The following RBFOX1 variants were observed in gnomAD, a reference collection of about 807,000 sequenced individuals.
RBFOX1 encodes the protein RNA binding protein fox-1 homolog 1.
A neutral mutation model predicts 57.7 loss-of-function variants in RBFOX1; 8 were observed. The ratio of observed to expected loss-of-function variants is 0.14; its 90% CI spans 0.08 to 0.25. The LOEUF is 0.25. Among genes scored for constraint, RBFOX1 ranks in the 10% least tolerant of loss-of-function variants. The pLI is 1.00. For missense variants in RBFOX1, 611 were observed against 548.5 expected (o/e 1.11, Z -1.14); for synonymous variants, 326 against 222.4 (o/e 1.47, Z -4.15).
At chr16:7,398,004 C>T (rs1295264683) in intron 4 of RBFOX1, among the ~76,000 whole-genome samples, 4 of 151,944 alleles carry the variant, frequency 2.6e-5, no homozygotes, top group Non-Finnish European at 4.4e-5. Flanking sequence ...TCTTCCCTTA[C>T]GGCCGTTAGT....
intron 3 of RBFOX1, among the ~76,000 whole-genome samples, chr16:6,859,130 C>CGTATATATATACGTATATATATACTT (rs1238966168): frequency 1.2e-5 from 1 of 82,482 alleles, no homozygotes; most frequent in African/African-American, 6.8e-5. Context: ...TATATATATA[C>CGTATATATATACGTATATATATACTT]ATATATATAC....
intron 2 of RBFOX1, among the ~76,000 whole-genome samples, chr16:6,478,094 G>C (rs2095302377): frequency 6.6e-6 from 1 of 152,000 alleles, no homozygotes; most frequent in Non-Finnish European, 1.5e-5. Flanking sequence ...CTCCACACCA[G>C]CAACAAGGCT....
At chr16:6,043,120 G>GAAACAA (rs2095457026) in intron 1 of RBFOX1, among the ~76,000 whole-genome samples, 1 of 70,254 alleles carries the variant, frequency 1.4e-5, no homozygotes, top group Non-Finnish European at 2.6e-5. Flanking sequence ...TGTGTTTCCA[G>GAAACAA]AAAAAAAAAA....
intron 5 of RBFOX1, among the ~76,000 whole-genome samples, chr16:7,524,417 T>C (rs2078214797): frequency 6.6e-6 from 1 of 152,138 alleles, no homozygotes; most frequent in African/African-American, 2.4e-5. Context: ...TCCAAACATA[T>C]CACGGATCAC....
At chr16:6,545,559 C>G (rs182490038) in intron 2 of RBFOX1, among the ~76,000 whole-genome samples, 2 of 152,192 alleles carry the variant, frequency 1.3e-5, no homozygotes, top group South Asian at 4.1e-4. Flanking sequence ...TCGGTTTAGA[C>G]TCTGCAGAAA....
intron 4 of RBFOX1, among the ~76,000 whole-genome samples, chr16:7,470,148 G>A (rs1343443977): frequency 6.6e-6 from 1 of 151,968 alleles, no homozygotes; most frequent in Non-Finnish European, 1.5e-5. Flanking sequence ...ATGTTGCTCA[G>A]AAAGCCTTTC....
At chr16:6,388,422 A>C (rs2092418566) in intron 2 of RBFOX1, among the ~76,000 whole-genome samples, 1 of 152,186 alleles carries the variant, frequency 6.6e-6, no homozygotes, top group South Asian at 2.1e-4. Flanking sequence ...CCAAGGTTCA[A>C]TGGCACCATT....
At chr16:6,128,743 C>G (rs755323992) in intron 1 of RBFOX1, among the ~76,000 whole-genome samples, 1 of 152,194 alleles carries the variant, frequency 6.6e-6, no homozygotes, top group African/African-American at 2.4e-5. Context: ...CACCGGAGAT[C>G]AGAGATCAGT....
intron 3 of RBFOX1, among the ~76,000 whole-genome samples, chr16:7,017,119 C>T (rs776760099): frequency 2.0e-5 from 3 of 152,028 alleles, no homozygotes; most frequent in Admixed American, 2.0e-4. Flanking sequence ...CAACCCTGTT[C>T]TCTCTAAATA....
intron 4 of RBFOX1, among the ~76,000 whole-genome samples, chr16:5,952,023 A>G (rs1455419870): frequency 6.6e-6 from 1 of 151,422 alleles, no homozygotes; most frequent in Non-Finnish European, 1.5e-5. Context: ...ATATGCACAC[A>G]CACACATATA....
At chr16:6,986,510 T>C (rs986800764) in intron 3 of RBFOX1, among the ~76,000 whole-genome samples, 3 of 152,174 alleles carry the variant, frequency 2.0e-5, no homozygotes, top group Non-Finnish European at 4.4e-5. Context: ...CAGGCTGGTT[T>C]TGAACTCATG....
intron 1 of RBFOX1, among the ~76,000 whole-genome samples, chr16:5,354,936 T>C (rs185227173): frequency 1.1e-3 from 167 of 151,594 alleles, no homozygotes; most frequent in African/African-American, 3.8e-3. Context: ...CGCCTGAGGG[T>C]GGTTAAGGGT....
intron 4 of RBFOX1, among the ~76,000 whole-genome samples, chr16:5,909,994 A>C (rs758654384): frequency 6.6e-6 from 1 of 152,140 alleles, no homozygotes; most frequent in Non-Finnish European, 1.5e-5. Flanking sequence ...CGGAGGTTGC[A>C]GTGAGCCAAG....
chr16:6,280,375 C>G (rs2076248772), intron 1 of RBFOX1, among the ~76,000 whole-genome samples: 1 of 152,106 alleles, frequency 6.6e-6, no homozygotes, highest in East Asian at 1.9e-4. Context: ...TCATATCTAT[C>G]AGCTCACCCA....
chr16:7,313,475 C>G (rs1401308301), intron 4 of RBFOX1, among the ~76,000 whole-genome samples: 1 of 144,278 alleles, frequency 6.9e-6, no homozygotes, highest in Non-Finnish European at 1.5e-5. Context: ...CTTTTCTTGT[C>G]TTTTTTTTTT....
intron 1 of RBFOX1, among the ~76,000 whole-genome samples, chr16:6,312,166 A>G (rs2080400160): frequency 6.6e-6 from 1 of 152,044 alleles, no homozygotes; most frequent in East Asian, 1.9e-4. Context: ...ATCCATTCAA[A>G]CTCACTCAAT....
intron 1 of RBFOX1, among the ~76,000 whole-genome samples, chr16:5,415,887 G>C (rs116533853): frequency 6.6e-6 from 1 of 152,178 alleles, no homozygotes; most frequent in African/African-American, 2.4e-5. Context: ...CCAGGGCAAA[G>C]GGAAGCATAG....
chr16:6,988,473 G>C lies in RBFOX1; in HGVS notation c.-15-63584G>C, dbSNP rs1472432314. Among the ~76,000 whole-genome samples, 4 of 152,122 alleles carry C rather than the reference G, an allele frequency of 2.6e-5. No homozygotes were observed. The East Asian group carries it at 7.7e-4, about 29-fold the overall frequency. On this transcript the variant is annotated intron_variant, in intron 3 of 15. Transcript: ENST00000550418. ...AGAGTTTTTAAAAAGTCGATTGCCT[G>C]TTGTGATAACATATTGGGCTAAATA...
At chr16:6,975,406 C>G (rs948540850) in intron 3 of RBFOX1, among the ~76,000 whole-genome samples, 3 of 152,142 alleles carry the variant, frequency 2.0e-5, no homozygotes, top group Non-Finnish European at 2.9e-5. Context: ...GCTGGCGTTA[C>G]AGGCACATAC....
Sources: allele counts gnomAD v4.1 joint callset (sites outside exome capture counted in the v4.1 genomes callset), GRCh38; gene constraint gnomAD v4.1.1; transcripts MANE v1.5; gene names NCBI Gene and HGNC (gene_info 2026-07-23, HGNC 2026-07-21).